The following ARHGAP15 variants were observed in gnomAD, a reference collection of about 807,000 sequenced individuals.
ARHGAP15 encodes the protein rho GTPase-activating protein 15.
ARHGAP15 carries 51 observed loss-of-function variants against 63.7 expected under a neutral mutation model. The ratio of observed to expected loss-of-function variants is 0.80; its 90% CI spans 0.64 to 1.01. The LOEUF (loss-of-function observed/expected upper bound fraction) is 1.01. Ranked by LOEUF, ARHGAP15 falls within the 50% of genes least tolerant of loss-of-function variation. The pLI is 0.00. For missense variants in ARHGAP15, 560 were observed against 564.6 expected, an observed-to-expected ratio of 0.99 and a Z score of 0.08; for synonymous variants, 191 against 193.8, an observed-to-expected ratio of 0.99 and a Z score of 0.12.
intron 5 of ARHGAP15, among the ~76,000 whole-genome samples, chr2:143,246,406 C>G (rs1204518262): frequency 6.6e-6 from 1 of 151,672 alleles, no homozygotes; most frequent in African/African-American, 2.4e-5. Flanking sequence ...GCTGTGATCT[C>G]CATGAAGTCA....
intron 12 of ARHGAP15, among the ~76,000 whole-genome samples, chr2:143,698,998 A>G (rs1683968903): frequency 6.6e-6 from 1 of 152,178 alleles, no homozygotes. Flanking sequence ...TGTCTTTCAG[A>G]TGCTCACTGA....
At chr2:143,329,819 A>G (rs1209246580) in intron 6 of ARHGAP15, among the ~76,000 whole-genome samples, 1 of 151,656 alleles carries the variant, frequency 6.6e-6, no homozygotes, top group Non-Finnish European at 1.5e-5. Context: ...ACTAACTTAG[A>G]GTTTTAATTG....
chr2:143,684,274 C>T lies in ARHGAP15; in HGVS notation c.1139-19145C>T, dbSNP rs74850600. On this transcript the variant is annotated intron_variant, in intron 12 of 13. Coordinates refer to ENST00000295095, the MANE Select transcript of ARHGAP15 (RefSeq NM_018460.4). ...CCACCCTGATAACCACCTTGTGCCA[C>T]TGAATAAAAATGTGGATCCAGGAGA... 3.1e-3 allele frequency among the ~76,000 whole-genome samples: 475 copies of T among 152,256 alleles called. 7 individuals are homozygous for T. Among genetic ancestry groups the T allele is most frequent in the Admixed American group, 0.016 (241 of 15,286 alleles).
At chr2:143,212,097 A>G (rs1692584203) in intron 3 of ARHGAP15, among the ~76,000 whole-genome samples, 2 of 151,388 alleles carry the variant, frequency 1.3e-5, no homozygotes, top group South Asian at 4.2e-4. Flanking sequence ...ATGAAAATCT[A>G]TTATTTGCAA....
At chr2:143,298,588 C>T (rs997863936) in intron 6 of ARHGAP15, among the ~76,000 whole-genome samples, 4 of 151,912 alleles carry the variant, frequency 2.6e-5, no homozygotes, top group African/African-American at 9.7e-5. Flanking sequence ...CTCATTTGAG[C>T]AAATCCACAC....
At chr2:143,626,321 A>G (rs1308581599) in intron 12 of ARHGAP15, among the ~76,000 whole-genome samples, 3 of 152,176 alleles carry the variant, frequency 2.0e-5, no homozygotes, top group Non-Finnish European at 4.4e-5. Flanking sequence ...AAGAGAAGAG[A>G]GAGGAGACTT....
chr2:143,420,900 T>C (rs1024769351), intron 6 of ARHGAP15, among the ~76,000 whole-genome samples: 2 of 152,218 alleles, frequency 1.3e-5, no homozygotes, highest in African/African-American at 4.8e-5. Context: ...ATTAAAATGT[T>C]TAGCTTTCGC....
intron 6 of ARHGAP15, among the ~76,000 whole-genome samples, chr2:143,390,909 C>T (rs1039702029): frequency 3.3e-5 from 5 of 152,074 alleles, no homozygotes; most frequent in South Asian, 2.1e-4. Context: ...ATTTTAAAGC[C>T]GTATTGATTG....
intron 2 of ARHGAP15, among the ~76,000 whole-genome samples, chr2:143,166,975 A>G (rs1690566973): frequency 6.6e-6 from 1 of 151,964 alleles, no homozygotes; most frequent in South Asian, 2.1e-4. Flanking sequence ...TGAATTTATG[A>G]TAAACTTTTC....
chr2:143,439,116 C>T (rs1193518304), intron 8 of ARHGAP15, among the ~76,000 whole-genome samples: 1 of 151,904 alleles, frequency 6.6e-6, no homozygotes, highest in Non-Finnish European at 1.5e-5. Flanking sequence ...TGAGCTTAAA[C>T]TCAATCCTAC....
Position 143,431,676 on chromosome 2 carries a change from T to G in ARHGAP15, c.475-3925T>G, listed in dbSNP as rs143884816. Among the ~76,000 whole-genome samples the G allele has an allele frequency of 3.0e-3, 458 of 152,210 alleles. 4 individuals are homozygous for G. Among genetic ancestry groups the G allele is most frequent in the African/African-American group, 0.011 (443 of 41,570 alleles). ...GAGCCATTTTCTATTGTTATTTATC[T>G]GTATATGCATATGTCCTATTTATCC... On this transcript the variant is annotated intron_variant, in intron 6 of 13. Coordinates refer to ENST00000295095, the MANE Select transcript of ARHGAP15 (RefSeq NM_018460.4).
chr2:143,372,282 G>A (rs1031251282), intron 6 of ARHGAP15, among the ~76,000 whole-genome samples: 1 of 150,168 alleles, frequency 6.7e-6, no homozygotes, highest in African/African-American at 2.5e-5. Context: ...GGTCGAGGCT[G>A]CAGTGAGCCG....
intron 2 of ARHGAP15, among the ~76,000 whole-genome samples, chr2:143,184,736 C>T (rs997209964): frequency 2.0e-5 from 3 of 152,172 alleles, no homozygotes; most frequent in Middle Eastern, 3.4e-3. Context: ...GACTGGAGTA[C>T]AGTGGCGTGT....
chr2:143,686,099 A>T (rs562173424), intron 12 of ARHGAP15, among the ~76,000 whole-genome samples: 25 of 152,268 alleles, frequency 1.6e-4, no homozygotes, highest in Non-Finnish European at 2.9e-4. Context: ...AAATTCAGCC[A>T]GAAATTGGAT....
intron 13 of ARHGAP15, among the ~76,000 whole-genome samples, chr2:143,733,208 G>A (rs879661725): frequency 7.9e-5 from 12 of 152,094 alleles, no homozygotes; most frequent in Admixed American, 4.6e-4. Context: ...TTATCAAATC[G>A]TCATTGTGCC....
At chr2:143,207,786 T>A (rs745981393) in intron 3 of ARHGAP15, among the ~76,000 whole-genome samples, 1 of 152,088 alleles carries the variant, frequency 6.6e-6, no homozygotes, top group South Asian at 2.1e-4. Context: ...AATCACCCAT[T>A]CCCCCAGACA....
At chr2:143,641,529 C>T (rs894956769) in intron 12 of ARHGAP15, among the ~76,000 whole-genome samples, 21 of 152,078 alleles carry the variant, frequency 1.4e-4, no homozygotes, top group African/African-American at 5.1e-4. Context: ...AAAGTTACTT[C>T]AGGAGATTAA....
intron 12 of ARHGAP15, among the ~76,000 whole-genome samples, chr2:143,672,638 A>T (rs1340824961): frequency 6.6e-6 from 1 of 152,220 alleles, no homozygotes; most frequent in Non-Finnish European, 1.5e-5. Flanking sequence ...AGTCTGGCCC[A>T]AAAAGACAGT....
At chr2:143,267,522 G>C (rs935681763) in intron 6 of ARHGAP15, among the ~76,000 whole-genome samples, 4 of 152,154 alleles carry the variant, frequency 2.6e-5, no homozygotes, top group African/African-American at 9.7e-5. Flanking sequence ...AATTATAGGA[G>C]CTGAAGGTCA....
Sources: gnomAD v4.1 joint callset for allele counts (sites outside exome capture counted in the v4.1 genomes callset) on GRCh38, gnomAD v4.1.1 for gene constraint, MANE v1.5 for transcripts, NCBI Gene and HGNC (gene_info 2026-07-23, HGNC 2026-07-21) for gene names.